Variants in IGSF21 observed in about 807,000 individuals in gnomAD.
The protein encoded by IGSF21 is immunoglobulin superfamily member 21.
IGSF21 carries 28 observed loss-of-function variants against 46.8 expected under a neutral mutation model. That is an observed-to-expected ratio of 0.60 (90% CI 0.44 to 0.82). The LOEUF (loss-of-function observed/expected upper bound fraction) is 0.82, where lower values mean the gene tolerates loss of function less well. Among genes scored for constraint, IGSF21 ranks in the 40% least tolerant of loss-of-function variants. The probability of loss-of-function intolerance (pLI) is 0.00; values close to 1 mark genes in which losing one functional copy is unlikely to be tolerated. For missense variants in IGSF21, 624 were observed against 665.5 expected, an observed-to-expected ratio of 0.94 and a Z score of 0.69; for synonymous variants, 284 against 273.6, an observed-to-expected ratio of 1.04 and a Z score of -0.38.
chr1:18,362,802 T>A (rs886468844), intron 5 of IGSF21, among the ~76,000 whole-genome samples: 1 of 152,164 alleles, frequency 6.6e-6, no homozygotes, highest in African/African-American at 2.4e-5. Context: ...GTTTCTTTGA[T>A]ATTTGTCAGT....
chr1:18,182,765 G>A (rs1243479003), intron 1 of IGSF21, among the ~76,000 whole-genome samples: 1 of 152,182 alleles, frequency 6.6e-6, no homozygotes. Context: ...ACCCCTCGAG[G>A]GGGGTCATCC....
At chr1:18,291,418 G>A (rs1383081539) in intron 2 of IGSF21, among the ~76,000 whole-genome samples, 3 of 152,190 alleles carry the variant, frequency 2.0e-5, no homozygotes, top group Non-Finnish European at 2.9e-5. Flanking sequence ...TCAATCTATA[G>A]CCAGAGGAGC....
chr1:18,264,679 G>A (rs902888329), intron 2 of IGSF21, among the ~76,000 whole-genome samples: 2 of 152,346 alleles, frequency 1.3e-5, no homozygotes, highest in Admixed American at 6.5e-5. Context: ...CCCCAGACCG[G>A]TTGGTGCAAA....
intron 4 of IGSF21, among the ~76,000 whole-genome samples, chr1:18,354,158 G>C (rs1171262623): frequency 6.6e-6 from 1 of 152,210 alleles, no homozygotes; most frequent in Admixed American, 6.5e-5. Context: ...AAAAACCTGG[G>C]AAGGCTGCCT....
intron 1 of IGSF21, among the ~76,000 whole-genome samples, chr1:18,146,370 G>T (rs2086467033): frequency 6.6e-6 from 1 of 152,112 alleles, no homozygotes; most frequent in African/African-American, 2.4e-5. Context: ...TGGAGGTGGG[G>T]CAACGTGAGT....
intron 1 of IGSF21, among the ~76,000 whole-genome samples, chr1:18,220,506 G>A (rs2084499088): frequency 6.6e-6 from 1 of 152,114 alleles, no homozygotes; most frequent in South Asian, 2.1e-4. Context: ...GAATCCATTT[G>A]TTTCTTTCTT....
chr1:18,303,052 G>A (rs1184938193), intron 3 of IGSF21, among the ~76,000 whole-genome samples: 7 of 152,126 alleles, frequency 4.6e-5, no homozygotes, highest in Non-Finnish European at 1.0e-4. Context: ...GCTGGGGGTC[G>A]GATTTGGTGG....
At position 18,290,796 on chromosome 1, in the gene IGSF21, C is replaced by T. The variant is rs1197893744; in HGVS notation, c.184-1070C>T. On this transcript the variant is annotated intron_variant, in intron 2 of 9. Coordinates refer to ENST00000251296, the MANE Select transcript of IGSF21 (RefSeq NM_032880.5). The surrounding 1 kb of genome is among the most constrained non-coding windows in gnomAD (Gnocchi z 4.2). ...GCTGCTTTCAGCATCCCCCCTACCC[C>T]AGCCCCTTGGAGTCACCCGTCCCTA... 6.6e-6 allele frequency among the ~76,000 whole-genome samples: 1 copy of T among 152,156 alleles called. No individual in the cohort carries two copies. Among genetic ancestry groups the T allele is most frequent in the Non-Finnish European group, 1.5e-5 (1 of 68,030 alleles).
intron 2 of IGSF21, among the ~76,000 whole-genome samples, chr1:18,267,576 G>C (rs1046632559): frequency 1.3e-5 from 2 of 152,212 alleles, no homozygotes; most frequent in Non-Finnish European, 2.9e-5. Context: ...AAGGCCTCAG[G>C]CCACTTTGAG....
At chr1:18,262,162 C>T (rs2084952889) in intron 2 of IGSF21, among the ~76,000 whole-genome samples, 1 of 152,156 alleles carries the variant, frequency 6.6e-6, no homozygotes, top group Non-Finnish European at 1.5e-5. Flanking sequence ...CTTTGAATAG[C>T]AGTGTAGACT....
At chr1:18,350,656 CA>C (rs913630562) in intron 4 of IGSF21, among the ~76,000 whole-genome samples, 43 of 151,394 alleles carry the variant, frequency 2.8e-4, no homozygotes, top group East Asian at 9.7e-4. Context: ...CCCCCTCCCA[CA>C]AAAAAAAATA....
rs550541653 is a variant in IGSF21, at chr1:18,281,991, A to C, written c.184-9875A>C. On this transcript the variant is annotated intron_variant, in intron 2 of 9. Transcript: ENST00000251296. ...AGCTCTGCGGACTCCTCCCTCTGTG[A>C]CCCTGGGCATGCCCCTCCCCTCTTT... Among the ~76,000 whole-genome samples, 16 of 152,140 alleles carry C rather than the reference A, an allele frequency of 1.1e-4. No individual in the cohort carries two copies. The South Asian group carries it at 1.2e-3, about 12-fold the overall frequency.
At chr1:18,189,185 C>T (rs138007739) in intron 1 of IGSF21, among the ~76,000 whole-genome samples, 45 of 152,348 alleles carry the variant, frequency 3.0e-4, no homozygotes, top group African/African-American at 1.0e-3. Flanking sequence ...AAGCCAATGT[C>T]GCCCGACTTT....
intron 1 of IGSF21, among the ~76,000 whole-genome samples, chr1:18,206,391 A>G (rs1490729680): frequency 6.6e-6 from 1 of 152,088 alleles, no homozygotes; most frequent in East Asian, 1.9e-4. Flanking sequence ...CTCTACAAGC[A>G]ATAAAAAATT....
At chr1:18,192,923 G>A (rs1190609739) in intron 1 of IGSF21, among the ~76,000 whole-genome samples, 1 of 152,052 alleles carries the variant, frequency 6.6e-6, no homozygotes. Context: ...TCTACTAAGT[G>A]GGAAGTGCAG....
chr1:18,152,506 T>C (rs968026644), intron 1 of IGSF21, among the ~76,000 whole-genome samples: 1 of 152,218 alleles, frequency 6.6e-6, no homozygotes, highest in Non-Finnish European at 1.5e-5. Flanking sequence ...GCCTTTTGGG[T>C]GCTGTGTAAG....
At chr1:18,282,513 G>A (rs2085171336) in intron 2 of IGSF21, among the ~76,000 whole-genome samples, 1 of 152,042 alleles carries the variant, frequency 6.6e-6, no homozygotes, top group Non-Finnish European at 1.5e-5. Context: ...ATAGAGTTTG[G>A]GGGGCTCAGG....
At chr1:18,212,675 A>G (rs1458302995) in intron 1 of IGSF21, among the ~76,000 whole-genome samples, 1 of 152,122 alleles carries the variant, frequency 6.6e-6, no homozygotes, top group Non-Finnish European at 1.5e-5. Context: ...AGCCCAACCC[A>G]GGGGGGGTCC....
At chr1:18,220,309 G>A (rs1570351135) in intron 1 of IGSF21, among the ~76,000 whole-genome samples, 1 of 152,054 alleles carries the variant, frequency 6.6e-6, no homozygotes, top group African/African-American at 2.4e-5. Flanking sequence ...GGTTTCATGG[G>A]AGGCTGTTGG....
Sources: allele counts gnomAD v4.1 joint callset (sites outside exome capture counted in the v4.1 genomes callset), GRCh38; gene constraint gnomAD v4.1.1; non-coding constraint Gnocchi (gnomAD v3.1); transcripts MANE v1.5; gene names NCBI Gene and HGNC (gene_info 2026-07-23, HGNC 2026-07-21).